The following LRRK2 variants were observed in gnomAD, a reference collection of about 807,000 sequenced individuals.
The protein encoded by LRRK2 is leucine-rich repeat serine/threonine-protein kinase 2.
A neutral mutation model predicts 302.6 loss-of-function variants in LRRK2; 203 were observed. That is an observed-to-expected ratio of 0.67 (90% CI 0.60 to 0.75). The LOEUF (loss-of-function observed/expected upper bound fraction) is 0.75, where lower values mean the gene tolerates loss of function less well. LRRK2 is among the 30% of genes least tolerant of loss of function. The pLI, the probability that LRRK2 is intolerant of heterozygous loss-of-function variation, is 0.00. For synonymous variants in LRRK2, 1,066 were observed against 1,031.9 expected, an observed-to-expected ratio of 1.03 and a Z score of -0.63; for missense variants, 2,830 against 2,951.0, an observed-to-expected ratio of 0.96 and a Z score of 0.95.
chr12:40,279,415 A>C (rs1943595131), intron 18 of LRRK2, among the ~76,000 whole-genome samples: 1 of 152,056 alleles, frequency 6.6e-6, no homozygotes, highest in Admixed American at 6.5e-5. Context: ...TAATTATTTA[A>C]ATTTAGTCAA....
rs17519566 is a variant in LRRK2, at chr12:40,241,149, C to T, written c.706+532C>T. 4.8e-3 allele frequency among the ~76,000 whole-genome samples: 726 copies of T among 152,250 alleles called. 6 individuals carry two copies. The highest frequency in any genetic ancestry group is 0.016 in the African/African-American group (685 of 41,554). On this transcript the variant is annotated intron_variant, in intron 6 of 50. Coordinates refer to ENST00000298910, the MANE Select transcript of LRRK2 (RefSeq NM_198578.4). Reference sequence around the variant, plus strand: ...GTAAAGGTGTGGGGTTATGAGTGTGCGTGCATGCATGCGTGTGTGCCGCTG... The same window carrying T: ...GTAAAGGTGTGGGGTTATGAGTGTGTGTGCATGCATGCGTGTGTGCCGCTG...
chr12:40,240,405 T>C, intron 5 of LRRK2, 78 bp from the exon 6 acceptor site: 1 of 1,322,278 alleles, frequency 7.6e-7, no homozygotes, highest in East Asian at 2.4e-5. Flanking sequence ...ACAACTATAA[T>C]GAATATTGTA....
At chr12:40,343,548 C>T (rs1946111268) in intron 41 of LRRK2, among the ~76,000 whole-genome samples, 1 of 152,174 alleles carries the variant, frequency 6.6e-6, no homozygotes, top group African/African-American at 2.4e-5. Flanking sequence ...GATATGTACT[C>T]AGACTTAATT....
chr12:40,291,428 T>TA (rs952752814), intron 20 of LRRK2, among the ~76,000 whole-genome samples: 1 of 107,086 alleles, frequency 9.3e-6, no homozygotes, highest in Non-Finnish European at 2.0e-5. Context: ...TAAAGTATAA[T>TA]AAAATATATA....
intron 30 of LRRK2, among the ~76,000 whole-genome samples, chr12:40,309,508 A>C (rs1318083428): frequency 1.3e-5 from 2 of 152,058 alleles, no homozygotes; most frequent in Non-Finnish European, 2.9e-5. Flanking sequence ...ACTGTTTTTT[A>C]ATTATATTAT....
chr12:40,276,471 T>G (rs1231597127), intron 16 of LRRK2, among the ~76,000 whole-genome samples: 1 of 152,160 alleles, frequency 6.6e-6, no homozygotes, highest in Non-Finnish European at 1.5e-5. Flanking sequence ...AATGTTTGTA[T>G]TTTTAGCTGA....
chr12:40,344,694 A>G (rs1235342753), intron 41 of LRRK2, among the ~76,000 whole-genome samples: 1 of 152,182 alleles, frequency 6.6e-6, no homozygotes, highest in East Asian at 1.9e-4. Context: ...GGTGCACTTT[A>G]TTAGGGATAT....
intron 30 of LRRK2, among the ~76,000 whole-genome samples, chr12:40,310,143 A>C (rs1856247142): frequency 6.6e-6 from 1 of 152,176 alleles, no homozygotes; most frequent in Non-Finnish European, 1.5e-5. Flanking sequence ...AACTCATCTT[A>C]AGGCATGAAG....
chr12:40,330,924 T>A (rs1197579709), intron 39 of LRRK2, among the ~76,000 whole-genome samples: 1 of 152,236 alleles, frequency 6.6e-6, no homozygotes, highest in Non-Finnish European at 1.5e-5. Context: ...AATTTTGTTT[T>A]GATAATCATA....
intron 21 of LRRK2, among the ~76,000 whole-genome samples, chr12:40,294,115 T>C (rs2136709589): frequency 6.9e-6 from 1 of 145,140 alleles, no homozygotes; most frequent in Non-Finnish European, 1.5e-5. Context: ...TAATTCATTG[T>C]TCATCTATCT....
chr12:40,298,432 T>C lies in LRRK2; in HGVS notation c.3286T>C (p.Ser1096Pro), dbSNP rs761760189. 1.3e-5 allele frequency: 21 copies of C among 1,613,840 alleles called. No individual in the cohort carries two copies. Among genetic ancestry groups the C allele is most frequent in the Non-Finnish European group, 1.7e-5 (20 of 1,179,980 alleles). Reference sequence around the variant, plus strand: ...GTTTAACCTGTCATATAACCAGCTGTCTTTTGTACCTGAGAACCTCACTGA... The same window carrying C: ...GTTTAACCTGTCATATAACCAGCTGCCTTTTGTACCTGAGAACCTCACTGA... The part of the protein sequence containing the change: ...KQFNLSYNQL[S>P]FVPENLTDVV... Residue 1096 changes from serine to proline, a missense_variant, in exon 24 of 51, where the codon TCT becomes CCT. Physicochemically the swap from Ser to Pro is moderately conservative, Grantham distance 74. Around this residue, in one of 3 missense-constraint regions of LRRK2, gnomAD observed 2,121 missense variants for 2,148.0 expected, o/e 0.99. Transcript: ENST00000298910.
At chr12:40,277,830 T>C (rs1565704942) in intron 16 of LRRK2, 58 bp from the exon 17 acceptor site, 1 of 1,432,926 alleles carries the variant, frequency 7.0e-7, no homozygotes, top group Non-Finnish European at 9.5e-7. Context: ...TGCTTTATAC[T>C]GTTTATTCAT....
At chr12:40,229,131 A>G (rs765197182) in intron 2 of LRRK2, among the ~76,000 whole-genome samples, 33 of 152,202 alleles carry the variant, frequency 2.2e-4, no homozygotes, top group Non-Finnish European at 3.5e-4. Context: ...GGGGTCTCCT[A>G]CTGACATTTT....
intron 39 of LRRK2, among the ~76,000 whole-genome samples, chr12:40,333,947 C>G (rs994266205): frequency 2.6e-5 from 4 of 151,928 alleles, no homozygotes; most frequent in Non-Finnish European, 4.4e-5. Flanking sequence ...ACGAGAAGGT[C>G]TGGAAGGCCT....
At chr12:40,323,371 A>G in intron 38 of LRRK2, 65 bp downstream of exon 38, 1 of 1,318,238 alleles carries the variant, frequency 7.6e-7, no homozygotes, top group Non-Finnish European at 1.1e-6. Context: ...AATTTAGAAA[A>G]TAGATTTCAT....
At chr12:40,286,740 T>C (rs1346138142) in intron 19 of LRRK2, 1 of 154,264 alleles carries the variant, frequency 6.5e-6, no homozygotes, top group African/African-American at 2.4e-5. Context: ...TGTAGAACAA[T>C]GAGGACTCAG....
intron 41 of LRRK2, 138 bp downstream of exon 41, chr12:40,340,592 G>A (rs1946009916): frequency 1.1e-6 from 1 of 871,386 alleles, no homozygotes; most frequent in Non-Finnish European, 1.9e-6. Flanking sequence ...AAAAATGCAA[G>A]CATCACATTG....
chr12:40,353,075 G>C (rs1946411111), intron 44 of LRRK2, among the ~76,000 whole-genome samples: 1 of 150,920 alleles, frequency 6.6e-6, no homozygotes, highest in South Asian at 2.1e-4. Flanking sequence ...CGGGGCGGCG[G>C]CCGGGCGGGG....
chr12:40,281,309 C>A (rs1243198346), intron 18 of LRRK2, among the ~76,000 whole-genome samples: 2 of 152,186 alleles, frequency 1.3e-5, no homozygotes, highest in Admixed American at 1.3e-4. Context: ...AGAACAAGCT[C>A]CTGGTAACAG....
Sources: gnomAD v4.1 joint callset for allele counts (sites outside exome capture counted in the v4.1 genomes callset) on GRCh38, gnomAD v4.1.1 for gene constraint, gnomAD v4.1.1 regional missense constraint, MANE v1.5 for transcripts, NCBI Gene and HGNC (gene_info 2026-07-23, HGNC 2026-07-21) for gene names.